The following GALNT13 variants were observed in gnomAD, a reference collection of about 807,000 sequenced individuals.
GALNT13 encodes the protein polypeptide N-acetylgalactosaminyltransferase 13.
Under a neutral mutation model 64.2 loss-of-function variants are expected in GALNT13, and 28 were observed. The ratio of observed to expected loss-of-function variants is 0.44; its 90% CI spans 0.32 to 0.60. The LOEUF (loss-of-function observed/expected upper bound fraction) is 0.60. Among genes scored for constraint, GALNT13 ranks in the 20% least tolerant of loss-of-function variants. The pLI, the probability that GALNT13 is intolerant of heterozygous loss-of-function variation, is 0.05. For synonymous variants in GALNT13, 214 were observed against 224.6 expected (o/e 0.95, Z 0.42); for missense variants, 577 against 669.8 (o/e 0.86, Z 1.53).
At chr2:153,418,166 CAG>C in the GALNT13 span, among the ~76,000 whole-genome samples, 3 of 152,138 alleles carry the variant, frequency 2.0e-5, 1 homozygote, top group African/African-American at 7.2e-5. Flanking sequence ...GAACCAAAGA[CAG>C]AGATGTGATG....
the GALNT13 span, among the ~76,000 whole-genome samples, chr2:153,131,124 T>A: frequency 1.3e-5 from 2 of 152,126 alleles, no homozygotes; most frequent in Admixed American, 6.5e-5. Context: ...CACAGAATTA[T>A]AAATATTAAT....
intron 4 of GALNT13, among the ~76,000 whole-genome samples, chr2:154,221,702 C>G (rs1688332394): frequency 6.6e-6 from 1 of 152,022 alleles, no homozygotes; most frequent in Admixed American, 6.6e-5. Flanking sequence ...AGATACTAAC[C>G]CTATTCATTA....
At chr2:153,339,706 C>A in the GALNT13 span, among the ~76,000 whole-genome samples, 16 of 152,070 alleles carry the variant, frequency 1.1e-4, 1 homozygote, top group Non-Finnish European at 1.5e-5. Context: ...TGTCAAGAAG[C>A]TTTTTGCCTG....
chr2:153,107,434 G>A, the GALNT13 span, among the ~76,000 whole-genome samples: 1 of 152,078 alleles, frequency 6.6e-6, no homozygotes, highest in Non-Finnish European at 1.5e-5. Flanking sequence ...GAGAATCTCT[G>A]TTTTTTAAAA....
intron 3 of GALNT13, among the ~76,000 whole-genome samples, chr2:154,034,119 G>GTATA (rs1367179128): frequency 6.6e-6 from 1 of 152,020 alleles, no homozygotes; most frequent in African/African-American, 2.4e-5. Flanking sequence ...ACACTACAAG[G>GTATA]TATATACTCA....
chr2:153,174,269 G>A, the GALNT13 span, among the ~76,000 whole-genome samples: 9 of 152,252 alleles, frequency 5.9e-5, no homozygotes, highest in African/African-American at 1.4e-4. Flanking sequence ...CAAATAGTTC[G>A]ATTGGTTTAT....
intron 3 of GALNT13, among the ~76,000 whole-genome samples, chr2:153,975,274 A>C (rs1234493563): frequency 6.6e-6 from 1 of 152,034 alleles, no homozygotes; most frequent in Non-Finnish European, 1.5e-5. Flanking sequence ...GAGGATTTGA[A>C]AACATGCTTT....
At chr2:153,402,198 G>A in the GALNT13 span, among the ~76,000 whole-genome samples, 1 of 149,438 alleles carries the variant, frequency 6.7e-6, no homozygotes, top group African/African-American at 2.5e-5. Context: ...GCTTAGTTTG[G>A]CTGGATATGA....
chr2:153,375,317 A>AT, the GALNT13 span, among the ~76,000 whole-genome samples: 1 of 152,152 alleles, frequency 6.6e-6, no homozygotes, highest in Non-Finnish European at 1.5e-5. Context: ...ATTTAAAAAA[A>AT]TACTTTTTTT....
chr2:154,317,975 A>T lies in GALNT13; in HGVS notation c.1156+16386A>T, dbSNP rs138234192. 1.9e-4 allele frequency among the ~76,000 whole-genome samples: 29 copies of T among 152,230 alleles called. No homozygotes were observed. In the East Asian group the frequency reaches 5.2e-3, roughly 27 times the overall value. On this transcript the variant is annotated intron_variant, in intron 9 of 12. Transcript: ENST00000392825. Reference sequence around the variant, plus strand: ...ATATAAGTCATTTAGGCTTTTGCAGACTATCAGTTTGTAGATAACTGCTCT... The same window carrying T: ...ATATAAGTCATTTAGGCTTTTGCAGTCTATCAGTTTGTAGATAACTGCTCT...
the GALNT13 span, among the ~76,000 whole-genome samples, chr2:153,311,033 C>T: frequency 2.6e-5 from 4 of 152,110 alleles, no homozygotes; most frequent in African/African-American, 7.2e-5. Flanking sequence ...TCATTAAATT[C>T]ATCCGTACAC....
At chr2:153,614,807 C>A in the GALNT13 span, among the ~76,000 whole-genome samples, 1 of 151,914 alleles carries the variant, frequency 6.6e-6, no homozygotes, top group African/African-American at 2.4e-5. Context: ...TTGATATAGG[C>A]ATGCAATATA....
chr2:153,403,507 G>T, the GALNT13 span, among the ~76,000 whole-genome samples: 1 of 152,222 alleles, frequency 6.6e-6, no homozygotes, highest in African/African-American at 2.4e-5. Flanking sequence ...CTGGGCAAAG[G>T]CGGGCGCCCC....
At chr2:153,349,431 A>T in the GALNT13 span, among the ~76,000 whole-genome samples, 1 of 152,220 alleles carries the variant, frequency 6.6e-6, no homozygotes, top group Non-Finnish European at 1.5e-5. Flanking sequence ...AAAATAATCC[A>T]TTGACTAGAA....
the GALNT13 span, among the ~76,000 whole-genome samples, chr2:153,320,154 C>T: frequency 1.3e-5 from 2 of 152,286 alleles, no homozygotes; most frequent in Admixed American, 1.3e-4. Flanking sequence ...TGCAGCTAGG[C>T]TTGATGGCCC....
chr2:154,437,618 A>G, intron 11 of GALNT13: 2 of 900,928 alleles, frequency 2.2e-6, no homozygotes, highest in South Asian at 2.7e-5. Context: ...GCACTTTGGG[A>G]GGCCGAGGCA....
chr2:153,594,860 G>T, the GALNT13 span, among the ~76,000 whole-genome samples: 1 of 151,902 alleles, frequency 6.6e-6, no homozygotes, highest in Non-Finnish European at 1.5e-5. Context: ...ACATTCTCAA[G>T]CATTAAAAAT....
the GALNT13 span, among the ~76,000 whole-genome samples, chr2:153,291,831 C>G: frequency 6.6e-6 from 1 of 150,788 alleles, no homozygotes; most frequent in South Asian, 2.1e-4. Flanking sequence ...TCTGGAGACA[C>G]GTAGGGGAAA....
chr2:154,187,778 T>C (rs1036949996), intron 4 of GALNT13, among the ~76,000 whole-genome samples: 5 of 152,138 alleles, frequency 3.3e-5, no homozygotes, highest in African/African-American at 4.8e-5. Context: ...ATACAAAATA[T>C]TAAAATGGCA....
Sources: gnomAD v4.1 joint callset for allele counts (sites outside exome capture counted in the v4.1 genomes callset) on GRCh38, gnomAD v4.1.1 for gene constraint, MANE v1.5 for transcripts, NCBI Gene and HGNC (gene_info 2026-07-23, HGNC 2026-07-21) for gene names.